Variants in SOHLH2 observed in about 807,000 individuals in gnomAD.
SOHLH2 encodes the protein spermatogenesis and oogenesis specific basic helix-loop-helix 2, also known as spermatogenesis- and oogenesis-specific basic helix-loop-helix-containing protein 2.
SOHLH2 carries 22 observed loss-of-function variants against 50.4 expected under a neutral mutation model. The ratio of observed to expected loss-of-function variants is 0.44; its 90% CI spans 0.31 to 0.62. SOHLH2 has a LOEUF of 0.62. Among genes scored for constraint, SOHLH2 ranks in the 20% least tolerant of loss-of-function variants. The pLI is 0.08. For synonymous variants in SOHLH2, 185 were observed against 187.3 expected, an observed-to-expected ratio of 0.99 and a Z score of 0.10; for missense variants, 412 against 504.4, an observed-to-expected ratio of 0.82 and a Z score of 1.76.
intron 1 of SOHLH2, among the ~76,000 whole-genome samples, chr13:36,213,554 G>A (rs1201619095): frequency 1.3e-5 from 2 of 152,274 alleles, no homozygotes; most frequent in Middle Eastern, 3.4e-3. Flanking sequence ...GCTTTCTGGC[G>A]TGGGGAGGTT....
intron 1 of SOHLH2, among the ~76,000 whole-genome samples, chr13:36,207,539 T>C (rs779445790): frequency 4.6e-5 from 7 of 152,184 alleles, no homozygotes; most frequent in Non-Finnish European, 8.8e-5. Context: ...AATCATAGTA[T>C]GTTTATCAAA....
At chr13:36,182,114 AAAAAGT>A (rs1887273188) in intron 6 of SOHLH2, 1 of 985,316 alleles carries the variant, frequency 1.0e-6, no homozygotes, top group South Asian at 4.7e-5. Flanking sequence ...AGAGGCAAGA[AAAAAGT>A]GTCCTTGTAC....
chr13:36,200,914 T>A (rs980600090), intron 2 of SOHLH2, among the ~76,000 whole-genome samples: 3 of 151,542 alleles, frequency 2.0e-5, no homozygotes, highest in African/African-American at 7.3e-5. Context: ...CCAGGCGTGG[T>A]GGCACCTGCC....
Position 36,176,181 on chromosome 13 carries a change from A to C in SOHLH2, c.642-1312T>G, listed in dbSNP as rs543616733. On this transcript the variant is annotated intron_variant, in intron 6 of 10. Transcript: ENST00000379881. ...TAATCCAAGCCACTAAACAAAGTAG[A>C]AGTGAAGCCTAGGAAAAAAGACTGA... is the stretch of plus-strand genomic sequence containing the variant. Among the ~76,000 whole-genome samples, 3 of 152,308 alleles carry C rather than the reference A, an allele frequency of 2.0e-5. No homozygotes were observed. In the South Asian group the frequency reaches 6.2e-4, roughly 32 times the overall value.
At chr13:36,179,346 T>C (rs1211870120) in intron 6 of SOHLH2, among the ~76,000 whole-genome samples, 1 of 152,186 alleles carries the variant, frequency 6.6e-6, no homozygotes, top group African/African-American at 2.4e-5. Flanking sequence ...TTGTCAAATA[T>C]TTTTTCAGAA....
intron 2 of SOHLH2, among the ~76,000 whole-genome samples, chr13:36,195,070 T>C (rs1270796443): frequency 6.6e-6 from 1 of 152,138 alleles, no homozygotes; most frequent in Admixed American, 6.5e-5. Flanking sequence ...AGGTTCCTGC[T>C]CTCACACAGC....
chr13:36,205,637 G>C (rs1007531144), intron 1 of SOHLH2, among the ~76,000 whole-genome samples: 2 of 151,944 alleles, frequency 1.3e-5, no homozygotes, highest in Non-Finnish European at 2.9e-5. Context: ...TTCACCTTTA[G>C]ATTTTTGCAT....
intron 1 of SOHLH2, among the ~76,000 whole-genome samples, chr13:36,211,713 A>T (rs1423784940): frequency 2.0e-5 from 3 of 152,228 alleles, no homozygotes; most frequent in Non-Finnish European, 2.9e-5. Context: ...AAGGATCAAA[A>T]TGCTTACGTT....
chr13:36,179,303 A>G (rs974853035), intron 6 of SOHLH2, among the ~76,000 whole-genome samples: 10 of 152,178 alleles, frequency 6.6e-5, no homozygotes, highest in African/African-American at 2.4e-4. Context: ...GCTGAAAGAT[A>G]TTTGTTTTTT....
At chr13:36,184,480 G>A (rs1409473840) in intron 6 of SOHLH2, among the ~76,000 whole-genome samples, 1 of 38,240 alleles carries the variant, frequency 2.6e-5, no homozygotes, top group Non-Finnish European at 5.3e-5. Context: ...TTTTTTTTTT[G>A]AGACGGAGTC....
At chr13:36,182,106 A>G in intron 6 of SOHLH2, 2 of 985,406 alleles carry the variant, frequency 2.0e-6, no homozygotes, top group Non-Finnish European at 2.4e-6. Context: ...TCTACTACAG[A>G]GGCAAGAAAA....
intron 4 of SOHLH2, among the ~76,000 whole-genome samples, chr13:36,192,675 T>C (rs905970728): frequency 4.6e-5 from 7 of 152,244 alleles, no homozygotes; most frequent in Admixed American, 3.9e-4. Context: ...TGTACATATT[T>C]AAGGTGTACA....
At chr13:36,190,094 GA>G in intron 5 of SOHLH2, 38 bp from the exon 6 acceptor site, 1 of 1,555,830 alleles carries the variant, frequency 6.4e-7, no homozygotes, top group Non-Finnish European at 8.7e-7. Context: ...CATTAAAGGG[GA>G]AAATTGTCGG....
intron 5 of SOHLH2, among the ~76,000 whole-genome samples, chr13:36,190,665 A>G (rs942817156): frequency 2.6e-5 from 4 of 152,164 alleles, no homozygotes; most frequent in Non-Finnish European, 4.4e-5. Context: ...ATACTGAGGG[A>G]AGACAGAAGG....
chr13:36,170,445 G>C, intron 10 of SOHLH2, 86 bp downstream of exon 10: 3 of 1,503,714 alleles, frequency 2.0e-6, no homozygotes, highest in Non-Finnish European at 2.7e-6. Flanking sequence ...CTTCCAACCA[G>C]AGTAGCAACA....
intron 9 of SOHLH2, among the ~76,000 whole-genome samples, chr13:36,171,974 G>A (rs1346275320): frequency 2.1e-4 from 32 of 152,088 alleles, no homozygotes; most frequent in Non-Finnish European, 4.4e-5. Context: ...AAATGAACAC[G>A]GTGATTATCT....
chr13:36,170,773 C>T lies in SOHLH2; in HGVS notation c.1015G>A (p.Ala339Thr), dbSNP rs2296968. 353,006 of 1,612,634 alleles carry T rather than the reference C, an allele frequency of 0.22. 42,358 individuals carry two copies. Among genetic ancestry groups the T allele is most frequent in the East Asian group, 0.5 (22,504 of 44,836 alleles). ...DEAVRVPSSSASENAIGDPYK... is the reference protein window; with the variant it reads ...DEAVRVPSSSTSENAIGDPYK... ...GGATCACCAATAGCATTCTCTGAGG[C>T]GGAGCTTGATGGAACTTTAATGAGA... Residue 339 changes from alanine (A) to threonine (T), a missense_variant, in exon 10 of 11, where the codon GCC becomes ACC. Coordinates refer to ENST00000379881, the MANE Select transcript of SOHLH2 (RefSeq NM_017826.3).
intron 1 of SOHLH2, among the ~76,000 whole-genome samples, chr13:36,206,408 C>T (rs1868765342): frequency 6.6e-6 from 1 of 151,954 alleles, no homozygotes; most frequent in African/African-American, 2.4e-5. Context: ...TTGATAGTTC[C>T]ATTTTAATCT....
intron 6 of SOHLH2, among the ~76,000 whole-genome samples, chr13:36,179,498 T>C (rs952421662): frequency 6.6e-6 from 1 of 152,214 alleles, no homozygotes; most frequent in African/African-American, 2.4e-5. Context: ...AACCTCTGCC[T>C]ACTGGGCTCA....
Sources: gnomAD v4.1 joint callset for allele counts (sites outside exome capture counted in the v4.1 genomes callset) on GRCh38, gnomAD v4.1.1 for gene constraint, MANE v1.5 for transcripts, NCBI Gene and HGNC (gene_info 2026-07-23, HGNC 2026-07-21) for gene names.